The following ANO1 variants were observed in gnomAD, a reference collection of about 807,000 sequenced individuals.
ANO1 encodes the protein anoctamin-1.
Under a neutral mutation model 124.0 loss-of-function variants are expected in ANO1, and 59 were observed. The ratio of observed to expected loss-of-function variants is 0.48; its 90% CI spans 0.39 to 0.59. The LOEUF (loss-of-function observed/expected upper bound fraction) is 0.59, where lower values mean the gene tolerates loss of function less well. Ranked by LOEUF, ANO1 falls within the 20% of genes least tolerant of loss-of-function variation. The pLI, the probability that ANO1 is intolerant of heterozygous loss-of-function variation, is 0.00. For synonymous variants in ANO1, 529 were observed against 532.0 expected (o/e 0.99, Z 0.08); for missense variants, 1,059 against 1,328.0 (o/e 0.80, Z 3.15).
chr11:70,045,410 T>C (rs1857243660), intron 1 of ANO1, among the ~76,000 whole-genome samples: 1 of 152,238 alleles, frequency 6.6e-6, no homozygotes, highest in South Asian at 2.1e-4. Flanking sequence ...TAAGAAGCTC[T>C]GCTTATATAG....
At chr11:69,978,667 T>A in the ANO1 span, among the ~76,000 whole-genome samples, 1 of 152,304 alleles carries the variant, frequency 6.6e-6, no homozygotes, top group South Asian at 2.1e-4. Flanking sequence ...TCCTTCTTGA[T>A]TGTCCTATTT....
rs61885476 is a variant in ANO1 at position 70,115,282 on chromosome 11, G to A, written c.856-1176G>A. On this transcript the variant is annotated intron_variant, in intron 7 of 25. Transcript: ENST00000355303. ...GGAGAGGGCACTGGACAGACCCCCAGGAGCCCCATAGCTTTGTCTGCCTGG... is the reference window on the plus strand; with the variant it reads ...GGAGAGGGCACTGGACAGACCCCCAAGAGCCCCATAGCTTTGTCTGCCTGG... 2.8e-3 allele frequency among the ~76,000 whole-genome samples: 426 copies of A among 152,272 alleles called. 1 individual carries two copies. Among genetic ancestry groups the A allele is most frequent in the Non-Finnish European group, 4.9e-3 (332 of 68,012 alleles).
At chr11:70,146,938 T>G (rs2047400665) in intron 11 of ANO1, among the ~76,000 whole-genome samples, 3 of 152,112 alleles carry the variant, frequency 2.0e-5, no homozygotes, top group East Asian at 1.9e-4. Context: ...CCCACCCAGA[T>G]GAAGGGTGGG....
Position 70,092,684 on chromosome 11 carries a change from A to G in ANO1, c.441+4600A>G, listed in dbSNP as rs117187660. On this transcript the variant is annotated intron_variant, in intron 2 of 25. Coordinates refer to ENST00000355303, the MANE Select transcript of ANO1 (RefSeq NM_018043.7). ...GTGGGAAGGGCCTTTTGCACAAGCC[A>G]GGAGAGGCTTCCCCAGAGCAAGACC... Among the ~76,000 whole-genome samples, 43 of 152,270 alleles carry G rather than the reference A, an allele frequency of 2.8e-4. No individual in the cohort carries two copies. The East Asian group carries it at 8.1e-3, about 29-fold the overall frequency.
At chr11:70,107,205 A>T (rs768195816) in intron 5 of ANO1, among the ~76,000 whole-genome samples, 3 of 152,006 alleles carry the variant, frequency 2.0e-5, no homozygotes, top group African/African-American at 4.8e-5. Flanking sequence ...TTCAGCAGGG[A>T]TGTATTGGGC....
At chr11:70,172,848 A>G (rs2048529147) in intron 22 of ANO1, among the ~76,000 whole-genome samples, 1 of 152,022 alleles carries the variant, frequency 6.6e-6, no homozygotes, top group African/African-American at 2.4e-5. Context: ...CCTGGGTGAC[A>G]GAGTGAGACT....
At chr11:69,974,422 C>T in the ANO1 span, among the ~76,000 whole-genome samples, 1 of 152,216 alleles carries the variant, frequency 6.6e-6, no homozygotes, top group South Asian at 2.1e-4. Flanking sequence ...CACATGTTCT[C>T]CATGACAAAC....
At chr11:70,046,064 C>T (rs1252919952) in intron 1 of ANO1, among the ~76,000 whole-genome samples, 1 of 152,126 alleles carries the variant, frequency 6.6e-6, no homozygotes, top group Non-Finnish European at 1.5e-5. Flanking sequence ...TTCAAGTTAA[C>T]ATGGGCTGCA....
rs1452513041 is a variant in ANO1, at chr11:70,161,606, C to G, written c.1781-16C>G. On this transcript the variant is annotated splice_polypyrimidine_tract_variant and intron_variant, in intron 17 of 25. Coordinates refer to ENST00000355303, the MANE Select transcript of ANO1 (RefSeq NM_018043.7). ...TCCCAGCCACAGCCTCAGTATCATCCTACCCCTCCCTCTAGAGGTCCCAAA... is the reference window on the plus strand; with the variant it reads ...TCCCAGCCACAGCCTCAGTATCATCGTACCCCTCCCTCTAGAGGTCCCAAA... 5 of 1,612,416 alleles carry G rather than the reference C, an allele frequency of 3.1e-6. No individual in the cohort carries two copies. The highest frequency in any genetic ancestry group is 4.2e-6 in the Non-Finnish European group (5 of 1,178,470).
At chr11:70,165,270 A>G in intron 19 of ANO1, 200 bp from the exon 20 acceptor site, 1 of 588,074 alleles carries the variant, frequency 1.7e-6, no homozygotes, top group Non-Finnish European at 3.0e-6. Context: ...CCCCAGCATG[A>G]AAACACCCTG....
At chr11:70,094,912 A>C (rs190133553) in intron 2 of ANO1, among the ~76,000 whole-genome samples, 150 of 152,252 alleles carry the variant, frequency 9.9e-4, no homozygotes, top group African/African-American at 3.2e-3. Flanking sequence ...TATTTCTTTT[A>C]AAGTGAATTC....
At chr11:70,017,089 G>A (rs555934018) in intron 1 of ANO1, among the ~76,000 whole-genome samples, 1 of 152,364 alleles carries the variant, frequency 6.6e-6, no homozygotes, top group Non-Finnish European at 1.5e-5. Context: ...CTGGCACAGA[G>A]CAGGGCTCAG....
At position 70,047,590 on chromosome 11, in the gene ANO1, A is replaced by G. The variant is rs116212325; in HGVS notation, c.59-30952A>G. ...CTTCTGATTATATTTTGGATCTCTA[A>G]AGAGTTTCTTCTTAACTGAAAACAG... On this transcript the variant is annotated intron_variant, in intron 1 of 27. Coordinates refer to the ANO1 transcript ENST00000531349. Among the ~76,000 whole-genome samples the G allele has an allele frequency of 4.3e-3, 660 of 152,364 alleles. 5 individuals are homozygous for G. Among genetic ancestry groups the G allele is most frequent in the African/African-American group, 0.015 (637 of 41,584 alleles).
intron 1 of ANO1, among the ~76,000 whole-genome samples, chr11:70,036,083 A>G (rs797028801): frequency 1.2e-4 from 19 of 152,272 alleles, no homozygotes; most frequent in African/African-American, 4.3e-4. Flanking sequence ...ACCACCATCA[A>G]CTGGGGGCCT....
intron 1 of ANO1, among the ~76,000 whole-genome samples, chr11:70,036,670 C>T (rs541547811): frequency 3.9e-5 from 6 of 152,298 alleles, no homozygotes; most frequent in African/African-American, 1.4e-4. Flanking sequence ...TGCAGTAGCA[C>T]GATCTCGGCT....
At chr11:70,031,651 G>C (rs566296996) in intron 1 of ANO1, among the ~76,000 whole-genome samples, 30 of 152,286 alleles carry the variant, frequency 2.0e-4, no homozygotes, top group African/African-American at 7.0e-4. Context: ...AAGCCAGGGG[G>C]ATGAGGGTAC....
rs1377330672 is a variant in ANO1 at position 70,078,584 on chromosome 11, G to A, written c.-23G>A. On this transcript the variant is annotated 5_prime_UTR_variant, in exon 1 of 26. Coordinates refer to ENST00000355303, the MANE Select transcript of ANO1 (RefSeq NM_018043.7). ...GATGGGGAGGGCGCGCCGCCCGGCG[G>A]TCCCAGCGCACAGGCGGCCACGATG... 9 of 1,444,986 alleles carry A rather than the reference G, an allele frequency of 6.2e-6. No homozygotes were observed. Among genetic ancestry groups the A allele is most frequent in the Non-Finnish European group, 6.5e-6 (7 of 1,083,834 alleles). The allele number at this position is 1,444,986 out of a possible 1,614,324, so 89.5% of individuals were successfully genotyped here. A position where few individuals can be genotyped will look rare whatever the true frequency, so the allele number is the denominator to read the frequency against.
chr11:70,087,652 G>A (rs1380724978), intron 1 of ANO1, 100 bp from the exon 2 acceptor site: 5 of 1,181,724 alleles, frequency 4.2e-6, no homozygotes, highest in Admixed American at 3.0e-5. Flanking sequence ...TTTGTTGAAC[G>A]AGTGAGTGAG....
chr11:70,039,564 C>T (rs1555004816), intron 1 of ANO1, among the ~76,000 whole-genome samples: 1 of 151,082 alleles, frequency 6.6e-6, no homozygotes, highest in Middle Eastern at 3.2e-3. Flanking sequence ...TCCCACCTCC[C>T]CTTCCGCAGG....
Sources: allele counts gnomAD v4.1 joint callset (sites outside exome capture counted in the v4.1 genomes callset), GRCh38; gene constraint gnomAD v4.1.1; transcripts MANE v1.5; gene names NCBI Gene and HGNC (gene_info 2026-07-23, HGNC 2026-07-21).